Variants in HACD2 observed in about 807,000 individuals in gnomAD.
HACD2 encodes the protein very-long-chain (3R)-3-hydroxyacyl-CoA dehydratase 2.
A neutral mutation model predicts 31.0 loss-of-function variants in HACD2; 15 were observed. The ratio of observed to expected loss-of-function variants is 0.48; its 90% CI spans 0.32 to 0.75. HACD2 has a LOEUF of 0.75. Among genes scored for constraint, HACD2 ranks in the 30% least tolerant of loss-of-function variants. The pLI, the probability that HACD2 is intolerant of heterozygous loss-of-function variation, is 0.03. For missense variants in HACD2, 283 were observed against 313.0 expected (o/e 0.90, Z 0.72); for synonymous variants, 115 against 122.2 (o/e 0.94, Z 0.39).
intron 2 of HACD2, among the ~76,000 whole-genome samples, chr3:123,572,275 G>C (rs1294246073): frequency 6.6e-6 from 1 of 152,196 alleles, no homozygotes; most frequent in Non-Finnish European, 1.5e-5. Flanking sequence ...GGAGGCCAAA[G>C]CAGGAGGATC....
intron 3 of HACD2, among the ~76,000 whole-genome samples, chr3:123,553,570 A>G (rs2056641864): frequency 6.6e-6 from 1 of 152,232 alleles, no homozygotes. Flanking sequence ...GTCATTTCTT[A>G]GGCTTGTGTT....
Position 123,567,768 on chromosome 3 carries a change from C to T in HACD2, c.286G>A (p.Ala96Thr). Residue 96 changes from alanine to threonine, a missense_variant, in exon 3 of 7, where the codon GCT (alanine) becomes ACT (threonine). Physicochemically the swap from Ala to Thr is moderately conservative, Grantham distance 58. Around this residue, in one of 3 missense-constraint regions of HACD2, gnomAD observed 158 missense variants for 148.3 expected, o/e 1.07. Coordinates refer to ENST00000383657, the MANE Select transcript of HACD2 (RefSeq NM_198402.5). ...TGALLEILHC[A>T]IGIVPSSVVL... Reference sequence around the variant, plus strand: ...GGGGAATATCCATACTTACCTATAGCACAATGTAAAATCTAGAGGAAAAAA... The same window carrying T: ...GGGGAATATCCATACTTACCTATAGTACAATGTAAAATCTAGAGGAAAAAA... 1 of 1,498,976 alleles carries T rather than the reference C, an allele frequency of 6.7e-7. No homozygotes were observed. Among genetic ancestry groups the T allele is most frequent in the Non-Finnish European group, 9.0e-7 (1 of 1,114,030 alleles). 92.9% of individuals were successfully genotyped at this position (1,498,976 alleles called of 1,614,324 possible). A position where few individuals can be genotyped will look rare whatever the true frequency, so the allele number is the denominator to read the frequency against.
chr3:123,507,689 C>T (rs970765881), intron 4 of HACD2, among the ~76,000 whole-genome samples: 4 of 151,716 alleles, frequency 2.6e-5, no homozygotes, highest in Non-Finnish European at 5.9e-5. Flanking sequence ...ATCTCATGCA[C>T]CCCATAAATA....
chr3:123,547,023 C>G (rs146516039), intron 3 of HACD2, among the ~76,000 whole-genome samples: 4,539 of 152,224 alleles, frequency 0.03, 88 homozygotes, highest in South Asian at 0.05. Context: ...CTTTCTCTTA[C>G]AATTTTGACA....
At chr3:123,553,555 C>T (rs755489147) in intron 3 of HACD2, among the ~76,000 whole-genome samples, 1 of 152,210 alleles carries the variant, frequency 6.6e-6, no homozygotes, top group Admixed American at 6.5e-5. Context: ...CTGCTCTTTT[C>T]CCAGGTCATT....
At chr3:123,570,071 G>A (rs1246875211) in intron 2 of HACD2, among the ~76,000 whole-genome samples, 1 of 141,550 alleles carries the variant, frequency 7.1e-6, no homozygotes, top group East Asian at 2.2e-4. Flanking sequence ...CTGCAGGAGA[G>A]GACACACAGC....
At chr3:123,499,571 C>A in intron 6 of HACD2, 1 of 445,620 alleles carries the variant, frequency 2.2e-6, no homozygotes, top group East Asian at 7.0e-5. Context: ...ACAAGCATGT[C>A]GCTTTGTTAG....
chr3:123,494,784 A>C lies in HACD2; in HGVS notation c.*104T>G. On this transcript the variant is annotated 3_prime_UTR_variant, in exon 7 of 7. Coordinates refer to ENST00000383657, the MANE Select transcript of HACD2 (RefSeq NM_198402.5). ...AGTTTTGTTTGAATATTTTAAAAAT[A>C]GTTCTTACTTATTTTCTATGAAACG... The C allele has an allele frequency of 1.3e-6, 1 of 755,032 alleles. No homozygotes were observed. Among genetic ancestry groups the C allele is most frequent in the Non-Finnish European group, 2.2e-6 (1 of 446,764 alleles). 46.8% of individuals were successfully genotyped at this position (755,032 alleles called of 1,614,324 possible).
intron 2 of HACD2, among the ~76,000 whole-genome samples, chr3:123,571,329 T>G (rs1472884634): frequency 6.6e-6 from 1 of 152,076 alleles, no homozygotes; most frequent in Non-Finnish European, 1.5e-5. Flanking sequence ...GTAGGGATTT[T>G]GCAAGTGTAA....
chr3:123,516,801 C>T (rs185411540), intron 4 of HACD2, among the ~76,000 whole-genome samples: 1 of 152,160 alleles, frequency 6.6e-6, no homozygotes, highest in Admixed American at 6.5e-5. Context: ...TCCCATTAGT[C>T]CAACTTTAAT....
At chr3:123,575,966 C>T (rs2056903658) in intron 2 of HACD2, among the ~76,000 whole-genome samples, 6 of 152,148 alleles carry the variant, frequency 3.9e-5, no homozygotes, top group Admixed American at 3.9e-4. Context: ...ATATTCCAAC[C>T]TTTTCTACTT....
intron 4 of HACD2, among the ~76,000 whole-genome samples, chr3:123,513,328 G>A (rs1352927547): frequency 1.3e-5 from 2 of 152,180 alleles, no homozygotes; most frequent in Non-Finnish European, 2.9e-5. Context: ...CATCACAGAG[G>A]TGGCTGACAC....
chr3:123,517,870 G>A (rs2056165474), intron 4 of HACD2, among the ~76,000 whole-genome samples: 1 of 152,228 alleles, frequency 6.6e-6, no homozygotes, highest in South Asian at 2.1e-4. Context: ...CCTGACCATA[G>A]ATGTTCTGTT....
At chr3:123,499,641 C>T (rs1179853735) in intron 6 of HACD2, 5 of 456,286 alleles carry the variant, frequency 1.1e-5, no homozygotes, top group Non-Finnish European at 1.8e-5. Flanking sequence ...CTGATTTAAC[C>T]TGGGGTTTAG....
chr3:123,577,552 C>T (rs1353486105), intron 2 of HACD2, among the ~76,000 whole-genome samples: 3 of 146,456 alleles, frequency 2.0e-5, no homozygotes, highest in African/African-American at 5.1e-5. Flanking sequence ...ACCCGGGAGG[C>T]GGAGCTTGCA....
intron 6 of HACD2, among the ~76,000 whole-genome samples, chr3:123,497,903 T>A (rs545678433): frequency 3.5e-4 from 53 of 152,298 alleles, no homozygotes; most frequent in African/African-American, 1.1e-3. Context: ...CCACTAAAGA[T>A]TAAAAGAACG....
At chr3:123,573,526 C>T (rs1006161660) in intron 2 of HACD2, among the ~76,000 whole-genome samples, 4 of 152,162 alleles carry the variant, frequency 2.6e-5, no homozygotes, top group Non-Finnish European at 5.9e-5. Context: ...ATGGTTTCTT[C>T]TAAGACAGCC....
At chr3:123,564,182 T>G (rs941269111) in intron 3 of HACD2, among the ~76,000 whole-genome samples, 2 of 152,162 alleles carry the variant, frequency 1.3e-5, no homozygotes, top group Admixed American at 6.5e-5. Flanking sequence ...GTGTGGGTCA[T>G]GCTGAGGAGG....
At chr3:123,527,287 T>G (rs2056296400) in intron 4 of HACD2, among the ~76,000 whole-genome samples, 1 of 152,206 alleles carries the variant, frequency 6.6e-6, no homozygotes, top group African/African-American at 2.4e-5. Context: ...CCGTAGCTTC[T>G]GTTACACCTG....
Sources: gnomAD v4.1 joint callset for allele counts (sites outside exome capture counted in the v4.1 genomes callset) on GRCh38, gnomAD v4.1.1 for gene constraint, gnomAD v4.1.1 regional missense constraint, MANE v1.5 for transcripts, NCBI Gene and HGNC (gene_info 2026-07-23, HGNC 2026-07-21) for gene names.